The following MCF2L2 variants were observed in gnomAD, a reference collection of about 807,000 sequenced individuals.
MCF2L2 encodes MCF.2 cell line derived transforming sequence-like 2.
In MCF2L2, 102 loss-of-function variants were observed where a neutral mutation model predicts 150.2. The ratio of observed to expected loss-of-function variants is 0.68; its 90% confidence interval spans 0.58 to 0.80. The LOEUF (loss-of-function observed/expected upper bound fraction) is 0.80. MCF2L2 is among the 30% of genes least tolerant of loss of function. The pLI is 0.00. For missense variants in MCF2L2, 1,256 were observed against 1,372.8 expected (o/e 0.91, Z 1.34); for synonymous variants, 465 against 491.3 (o/e 0.95, Z 0.71).
At chr3:183,187,779 T>C (rs9873383) in intron 27 of MCF2L2, among the ~76,000 whole-genome samples, 13,217 of 152,288 alleles carry the variant, frequency 0.087, 1,602 homozygotes, top group African/African-American at 0.27. Flanking sequence ...TTATTTTTAC[T>C]GTAAGCTGCC....
intron 9 of MCF2L2, chr3:183,310,496 CA>C (rs1215268667): frequency 7.7e-6 from 2 of 258,516 alleles, no homozygotes; most frequent in Non-Finnish European, 1.6e-5. Flanking sequence ...AGTGAGACTC[CA>C]ACTCAAAAAA....
intron 15 of MCF2L2, chr3:183,269,959 G>C: frequency 1.2e-6 from 2 of 1,614,106 alleles, no homozygotes; most frequent in Non-Finnish European, 1.7e-6. Flanking sequence ...CTCATAAATA[G>C]CTATGACTTT....
chr3:183,221,632 C>A (rs1360925001), intron 20 of MCF2L2, among the ~76,000 whole-genome samples: 1 of 152,204 alleles, frequency 6.6e-6, no homozygotes, highest in East Asian at 1.9e-4. Context: ...TCATGCCTCA[C>A]TGGGCCCAGA....
At chr3:183,344,988 C>T (rs1730844245) in intron 3 of MCF2L2, among the ~76,000 whole-genome samples, 1 of 152,180 alleles carries the variant, frequency 6.6e-6, no homozygotes, top group Non-Finnish European at 1.5e-5. Context: ...GAGACTTTAA[C>T]ACCCCACAGT....
intron 1 of MCF2L2, among the ~76,000 whole-genome samples, chr3:183,391,276 T>TC (rs1299334535): frequency 2.0e-5 from 3 of 151,886 alleles, no homozygotes; most frequent in African/African-American, 4.8e-5. Flanking sequence ...TTTGTTTTTT[T>TC]CTGAAAGTCT....
intron 15 of MCF2L2, among the ~76,000 whole-genome samples, chr3:183,241,902 AGGCT>A (rs1418664459): frequency 2.6e-5 from 4 of 152,238 alleles, no homozygotes; most frequent in Admixed American, 6.5e-5. Flanking sequence ...AATAAAGTCC[AGGCT>A]GAGGTGGTCT....
At chr3:183,189,280 T>A (rs1211950242) in intron 27 of MCF2L2, among the ~76,000 whole-genome samples, 1 of 152,226 alleles carries the variant, frequency 6.6e-6, no homozygotes, top group African/African-American at 2.4e-5. Context: ...ATGCACCTTC[T>A]TTAGGGGGCA....
Position 183,282,323 on chromosome 3 carries a change from C to T in MCF2L2, c.1777-5366G>A, listed in dbSNP as rs370826014. ...CCTCCCGAGTAGCTGGGACTACAGGCACCCGCCACCACGCCCAGCTAATTT... is the reference window on the plus strand; with the variant it reads ...CCTCCCGAGTAGCTGGGACTACAGGTACCCGCCACCACGCCCAGCTAATTT... On this transcript the variant is annotated intron_variant, in intron 14 of 29. Transcript: ENST00000328913. Among the ~76,000 whole-genome samples, 269 of 152,042 alleles carry T rather than the reference C, an allele frequency of 1.8e-3. 7 individuals are homozygous for T. The East Asian group carries it at 0.037, about 21-fold the overall frequency.
intron 13 of MCF2L2, among the ~76,000 whole-genome samples, chr3:183,289,466 C>A (rs543827904): frequency 2.1e-4 from 32 of 152,206 alleles, no homozygotes; most frequent in Non-Finnish European, 4.3e-4. Flanking sequence ...ACACCCAGCA[C>A]CATATGAAAC....
intron 15 of MCF2L2, among the ~76,000 whole-genome samples, chr3:183,251,000 G>T (rs1294724048): frequency 6.6e-6 from 1 of 152,208 alleles, no homozygotes; most frequent in Non-Finnish European, 1.5e-5. Flanking sequence ...CACCCTTGCA[G>T]GCAGGTATTA....
chr3:183,386,627 G>A (rs1395498493), intron 2 of MCF2L2, among the ~76,000 whole-genome samples: 3 of 152,202 alleles, frequency 2.0e-5, no homozygotes, highest in Non-Finnish European at 4.4e-5. Flanking sequence ...AGAAAATTTT[G>A]TAGGGAAAAT....
chr3:183,211,969 G>A (rs570042586), intron 22 of MCF2L2, among the ~76,000 whole-genome samples: 1 of 152,290 alleles, frequency 6.6e-6, no homozygotes, highest in South Asian at 2.1e-4. Flanking sequence ...TGGTTAAGAT[G>A]GGGTTGCCCT....
At chr3:183,310,718 T>C (rs1448200126) in intron 9 of MCF2L2, 197 bp downstream of exon 9, 2 of 560,650 alleles carry the variant, frequency 3.6e-6, no homozygotes, top group Non-Finnish European at 6.4e-6. Flanking sequence ...AACAGGTAAA[T>C]GGGATTCTAG....
intron 15 of MCF2L2, among the ~76,000 whole-genome samples, chr3:183,231,859 T>C (rs1331649762): frequency 1.3e-5 from 2 of 152,152 alleles, no homozygotes; most frequent in Non-Finnish European, 2.9e-5. Flanking sequence ...TGTGATTTCC[T>C]AAGGCAAAAG....
In MCF2L2 at chr3:183,322,227, C is replaced by T. The variant is rs79305808; in HGVS notation, c.603+1008G>A. On this transcript the variant is annotated intron_variant, in intron 6 of 29. Transcript: ENST00000328913. ...AACTTAGCATAACAATCACCAGTAT[C>T]AGTAGGTAGGAAAAAGTAAAATACT... Among the ~76,000 whole-genome samples, 1,023 of 152,342 alleles carry T rather than the reference C, an allele frequency of 6.7e-3. 9 individuals carry two copies. Among genetic ancestry groups the T allele is most frequent in the African/African-American group, 0.024 (990 of 41,568 alleles).
chr3:183,310,982 C>T lies in MCF2L2; in HGVS notation c.926G>A (p.Trp309Ter), dbSNP rs1302844732. The T allele has an allele frequency of 6.2e-7, 1 of 1,613,882 alleles. No individual in the cohort carries two copies. Among genetic ancestry groups the T allele is most frequent in the East Asian group, 2.2e-5 (1 of 44,876 alleles). Residue 309 changes from tryptophan (W) to a stop codon, truncating the protein, a stop_gained, in exon 9 of 30, where the codon TGG (tryptophan) becomes TAG (stop). Transcript: ENST00000328913. LOFTEE classifies it high-confidence loss of function. ...GTTAAGCTTCAGATGATGCTCAGAC[C>T]AAAAGTGACTAAAGGCTTTTTCTGT... ...DETEKAFSHF[W>*]SEHHLKLNQC...
Position 183,283,642 on chromosome 3 carries a change from C to T in MCF2L2, c.1776+5478G>A, listed in dbSNP as rs1179947004. Among the ~76,000 whole-genome samples, 2 of 152,032 alleles carry T rather than the reference C, an allele frequency of 1.3e-5. No individual in the cohort carries two copies. The highest frequency in any genetic ancestry group is 2.9e-5 in the Non-Finnish European group (2 of 68,020). ...GTTCAAGTGATTCTCCTGCCTCAGC[C>T]TCCTGAGTAGCTGGGATTACAGGTG... On this transcript the variant is annotated intron_variant, in intron 14 of 29. Transcript: ENST00000328913. The surrounding 1 kb of genome is among the most constrained non-coding windows in gnomAD (Gnocchi z 4.2).
At chr3:183,214,996 A>AAAAC (rs1231064957) in intron 22 of MCF2L2, among the ~76,000 whole-genome samples, 1 of 152,064 alleles carries the variant, frequency 6.6e-6, no homozygotes, top group Non-Finnish European at 1.5e-5. Flanking sequence ...CTCTGTCTCA[A>AAAAC]AAACAAACAA....
At chr3:183,288,462 TG>T (rs1333111270) in intron 14 of MCF2L2, among the ~76,000 whole-genome samples, 2 of 151,732 alleles carry the variant, frequency 1.3e-5, no homozygotes, top group Non-Finnish European at 2.9e-5. Flanking sequence ...TGTGCAGCTC[TG>T]TGCAATTTTG....
Sources: gnomAD v4.1 joint callset for allele counts (sites outside exome capture counted in the v4.1 genomes callset) on GRCh38, gnomAD v4.1.1 for gene constraint, Gnocchi (gnomAD v3.1) non-coding constraint, MANE v1.5 for transcripts, NCBI Gene and HGNC (gene_info 2026-07-23, HGNC 2026-07-21) for gene names.